The following P2RY8 variants were observed in gnomAD, a reference collection of about 807,000 sequenced individuals.
The protein encoded by P2RY8 is P2Y receptor family member 8.
In P2RY8, 6 loss-of-function variants were observed where a neutral mutation model predicts 10.0. That is an observed-to-expected ratio of 0.60 (90% CI 0.33 to 1.19). P2RY8 has a LOEUF of 1.19. P2RY8 is among the 50% of genes most tolerant of loss of function. The probability of loss-of-function intolerance (pLI) is 0.04; values close to 1 mark genes in which losing one functional copy is unlikely to be tolerated. For synonymous variants in P2RY8, 276 were observed against 252.5 expected (o/e 1.09, Z -0.88); for missense variants, 456 against 542.0 (o/e 0.84, Z 1.58).
intron 1 of P2RY8, among the ~76,000 whole-genome samples, chrX:1,468,730 C>T (rs2091728394): frequency 1.2e-5 from 1 of 83,944 alleles, no homozygotes; most frequent in Non-Finnish European, 2.6e-5. Flanking sequence ...ACCCTCCTCT[C>T]CTCTCTCCTC....
At chrX:1,467,728 G>C (rs2091709183) in intron 1 of P2RY8, among the ~76,000 whole-genome samples, 1 of 152,134 alleles carries the variant, frequency 6.6e-6, no homozygotes, top group South Asian at 2.1e-4. Flanking sequence ...CCAGGCTGGA[G>C]GGCAGTAGTG....
At chrX:1,498,355 G>C (rs191775966) in intron 1 of P2RY8, among the ~76,000 whole-genome samples, 1 of 137,462 alleles carries the variant, frequency 7.3e-6, no homozygotes, top group Non-Finnish European at 1.5e-5. Flanking sequence ...GCAGTGAGCC[G>C]AGATCGCGCC....
At chrX:1,531,051 T>TATCG (rs1306364619) in intron 1 of P2RY8, among the ~76,000 whole-genome samples, 1 of 124,274 alleles carries the variant, frequency 8.0e-6, no homozygotes, top group Non-Finnish European at 1.7e-5. Flanking sequence ...CGATTCTATC[T>TATCG]ATCTGTCTGT....
chrX:1,508,475 A>C (rs553454716), intron 1 of P2RY8, among the ~76,000 whole-genome samples: 2 of 152,048 alleles, frequency 1.3e-5, no homozygotes, highest in Non-Finnish European at 2.9e-5. Context: ...GAAACTCCAC[A>C]TATCGGTTAT....
chrX:1,490,089 T>C (rs1362560655), intron 1 of P2RY8, among the ~76,000 whole-genome samples: 13 of 94,218 alleles, frequency 1.4e-4, no homozygotes, highest in African/African-American at 5.9e-4. Flanking sequence ...GTGGAGGGAA[T>C]GAATGAATGA....
chrX:1,503,103 G>A (rs1431499695), intron 1 of P2RY8, among the ~76,000 whole-genome samples: 1 of 150,980 alleles, frequency 6.6e-6, no homozygotes, highest in Non-Finnish European at 1.5e-5. Flanking sequence ...AGACAGAAGA[G>A]GAGACGCAGA....
Position 1,479,011 on chromosome X carries a change from T to C in P2RY8, c.-24-12429A>G, listed in dbSNP as rs1262430979. Reference sequence around the variant, plus strand: ...AAGTCCCCTCAGCCACAGAAGCAGATGCAACCTCTTCTGAACTTCCAGACA... The same window carrying C: ...AAGTCCCCTCAGCCACAGAAGCAGACGCAACCTCTTCTGAACTTCCAGACA... On this transcript the variant is annotated intron_variant, in intron 1 of 1. Coordinates refer to ENST00000381297, the MANE Select transcript of P2RY8 (RefSeq NM_178129.5). Among the ~76,000 whole-genome samples, 7 of 152,350 alleles carry C rather than the reference T, an allele frequency of 4.6e-5. No homozygotes were observed. In the East Asian group the frequency reaches 7.7e-4, roughly 17 times the overall value.
intron 1 of P2RY8, among the ~76,000 whole-genome samples, chrX:1,493,866 A>G (rs1340600790): frequency 1.3e-5 from 2 of 151,834 alleles, no homozygotes; most frequent in Non-Finnish European, 2.9e-5. Context: ...CCTCTCTGCG[A>G]CCCTCGAGAG....
At chrX:1,483,805 C>T (rs1171436422) in intron 1 of P2RY8, among the ~76,000 whole-genome samples, 3 of 151,910 alleles carry the variant, frequency 2.0e-5, no homozygotes, top group African/African-American at 7.3e-5. Flanking sequence ...CAAAGCTGAG[C>T]TCCCTTAACC....
chrX:1,518,437 AAT>A (rs1491150111), intron 1 of P2RY8, among the ~76,000 whole-genome samples: 33 of 133,370 alleles, frequency 2.5e-4, no homozygotes, highest in Admixed American at 9.3e-4. Context: ...AAAAAAAAAA[AAT>A]AATAATAATA....
intron 1 of P2RY8, among the ~76,000 whole-genome samples, chrX:1,504,785 G>A (rs1351645583): frequency 2.6e-5 from 4 of 152,022 alleles, no homozygotes; most frequent in African/African-American, 4.8e-5. Flanking sequence ...TCAGGAGTTC[G>A]AGGCCAGCCT....
chrX:1,505,106 C>T (rs1718323483), intron 1 of P2RY8, among the ~76,000 whole-genome samples: 2 of 133,902 alleles, frequency 1.5e-5, no homozygotes, highest in South Asian at 4.7e-4. Flanking sequence ...CCACTGCACT[C>T]CAGCCTGGGT....
Position 1,465,033 on chromosome X carries a change from G to A in P2RY8, c.*446C>T, listed in dbSNP as rs62604197. ...GGAATGGGGCTCGCAGTTCGCCCAC[G>A]GAGGATATCCAGAAACCGAGTCGGG... On this transcript the variant is annotated 3_prime_UTR_variant, in exon 2 of 2. Transcript: ENST00000381297. 48,420 of 256,228 alleles carry A rather than the reference G, an allele frequency of 0.19. 5,427 individuals carry two copies. The highest frequency in any genetic ancestry group is 0.25 in the Non-Finnish European group (32,619 of 132,522). The allele number at this position is 256,228 out of a possible 1,614,324, so 15.9% of individuals were successfully genotyped here.
At position 1,465,073 on chromosome X, in the gene P2RY8, G is replaced by T. The variant is rs2091644663; in HGVS notation, c.*406C>A. 1 of 270,596 alleles carries T rather than the reference G, an allele frequency of 3.7e-6. No homozygotes were observed. Among genetic ancestry groups the T allele is most frequent in the African/African-American group, 2.2e-5 (1 of 46,334 alleles). The allele number at this position is 270,596 out of a possible 1,614,324, so 16.8% of individuals were successfully genotyped here. On this transcript the variant is annotated 3_prime_UTR_variant, in exon 2 of 2. Transcript: ENST00000381297. ...ACCGAGTCGGGTAGGCGGTGGGGCT[G>T]GTTGAATATCCACCCTCGGGTATGG...
chrX:1,475,195 A>G (rs1479472209), intron 1 of P2RY8, among the ~76,000 whole-genome samples: 2 of 142,762 alleles, frequency 1.4e-5, no homozygotes, highest in Admixed American at 7.0e-5. Flanking sequence ...GGGTAGATGG[A>G]TGGGCAGATG....
intron 1 of P2RY8, among the ~76,000 whole-genome samples, chrX:1,471,886 C>T (rs1235570949): frequency 2.0e-5 from 3 of 152,162 alleles, no homozygotes; most frequent in African/African-American, 7.2e-5. Flanking sequence ...GTTGAACACA[C>T]AGGGGAGTGA....
intron 1 of P2RY8, among the ~76,000 whole-genome samples, chrX:1,511,684 C>G (rs2092298660): frequency 6.6e-6 from 1 of 152,028 alleles, no homozygotes; most frequent in Non-Finnish European, 1.5e-5. Context: ...CTTGCCCAAC[C>G]AATCTCGTGA....
In P2RY8 at chrX:1,521,029, C is replaced by CTTTT. The variant is rs754661094; in HGVS notation, c.-25+15888_-25+15891dup. Among the ~76,000 whole-genome samples, 32 of 83,914 alleles carry CTTTT rather than the reference C, an allele frequency of 3.8e-4. 1 individual carries two copies. Among genetic ancestry groups the CTTTT allele is most frequent in the Middle Eastern group, 7.7e-3 (1 of 130 alleles). The allele number at this position is 83,914 out of a possible 152,430, so 55.1% of individuals were successfully genotyped here. A position where few individuals can be genotyped will look rare whatever the true frequency, so the allele number is the denominator to read the frequency against. On this transcript the variant is annotated intron_variant, in intron 1 of 1. Transcript: ENST00000381297. ...CTCCCCAATATCCTCTCTGATTTTT[C>CTTTT]TTTTCTTTTTTTTTTTTTTTTTTTG... is the stretch of plus-strand genomic sequence containing the variant.
At chrX:1,467,298 A>G (rs1423869662) in intron 1 of P2RY8, among the ~76,000 whole-genome samples, 4 of 152,028 alleles carry the variant, frequency 2.6e-5, no homozygotes, top group African/African-American at 7.3e-5. Context: ...TCCAGAGGAG[A>G]CCTGCGACTT....
Sources: allele counts gnomAD v4.1 joint callset (sites outside exome capture counted in the v4.1 genomes callset), GRCh38; gene constraint gnomAD v4.1.1; transcripts MANE v1.5; gene names NCBI Gene and HGNC (gene_info 2026-07-23, HGNC 2026-07-21).